DRC9: variants seen among roughly 807,000 people sequenced by gnomAD.
The protein encoded by DRC9 is dynein regulatory complex subunit 9.
the DRC9 span, among the ~76,000 whole-genome samples, chr3:197,931,929 T>TAGTAAC: frequency 6.6e-6 from 1 of 152,012 alleles, no homozygotes; most frequent in Non-Finnish European, 1.5e-5. Context: ...CCGGCCGAAT[T>TAGTAAC]CAATCTTAAG....
At chr3:197,904,027 TATATATACATAC>T in the DRC9 span, among the ~76,000 whole-genome samples, 11 of 99,166 alleles carry the variant, frequency 1.1e-4, no homozygotes, top group South Asian at 3.2e-4. Context: ...TACATACATA[TATATATACATAC>T]ATATATATAC....
chr3:197,917,438 AT>A, the DRC9 span, among the ~76,000 whole-genome samples: 1 of 152,222 alleles, frequency 6.6e-6, no homozygotes, highest in Non-Finnish European at 1.5e-5. Flanking sequence ...GATCGGAATC[AT>A]TCCTAAGAGA....
chr3:197,937,025 C>T, the DRC9 span, among the ~76,000 whole-genome samples: 1 of 152,210 alleles, frequency 6.6e-6, no homozygotes, highest in Non-Finnish European at 1.5e-5. Flanking sequence ...CGTAAGTTCT[C>T]TTTGGCAACG....
the DRC9 span, chr3:197,950,603 GTGTGT>G: frequency 2.6e-6 from 1 of 390,422 alleles, no homozygotes; most frequent in East Asian, 4.9e-5. Flanking sequence ...AGTCTTACGT[GTGTGT>G]TTCTCTTTAA....
the DRC9 span, chr3:197,889,589 C>A: frequency 2.5e-6 from 4 of 1,614,084 alleles, no homozygotes; most frequent in Non-Finnish European, 3.4e-6. Context: ...GTCACTTCTT[C>A]TTGCCTCTCC....
the DRC9 span, among the ~76,000 whole-genome samples, chr3:197,901,214 C>T: frequency 6.6e-6 from 1 of 152,182 alleles, no homozygotes; most frequent in African/African-American, 2.4e-5. This position sits in a 1 kb window ranked among gnomAD's most constrained non-coding sequence, Gnocchi z 4.4. Flanking sequence ...TCTTGGCTCA[C>T]TGCAACCTCC....
chr3:197,907,879 C>T, the DRC9 span, among the ~76,000 whole-genome samples: 9 of 145,518 alleles, frequency 6.2e-5, no homozygotes, highest in Admixed American at 2.1e-4. Context: ...ATGAAGTTAT[C>T]ACAGGGGTGA....
chr3:197,955,038 A>G, the DRC9 span, among the ~76,000 whole-genome samples: 4 of 151,540 alleles, frequency 2.6e-5, no homozygotes, highest in Non-Finnish European at 5.9e-5. Context: ...ATTTTTCTCA[A>G]TTTTCTCCTG....
chr3:197,950,419 C>A, the DRC9 span: 1 of 912,826 alleles, frequency 1.1e-6, no homozygotes, highest in Non-Finnish European at 1.4e-6. Context: ...GAACGGCTGC[C>A]CGGGTTATCC....
At chr3:197,950,834 C>T in the DRC9 span, 3 of 1,018,098 alleles carry the variant, frequency 2.9e-6, no homozygotes, top group South Asian at 1.4e-5. Flanking sequence ...CTACATGAAA[C>T]TCCCATCCAA....
the DRC9 span, among the ~76,000 whole-genome samples, chr3:197,915,089 G>A: frequency 9.3e-5 from 14 of 150,450 alleles, no homozygotes; most frequent in Admixed American, 6.0e-4. Context: ...ACTTGAACCC[G>A]GGAGGTGGAG....
chr3:197,901,079 G>A, the DRC9 span, among the ~76,000 whole-genome samples: 1 of 152,280 alleles, frequency 6.6e-6, no homozygotes, highest in African/African-American at 2.4e-5. The surrounding 1 kb of genome is among the most constrained non-coding windows in gnomAD (Gnocchi z 4.4). Context: ...TTACACCCTA[G>A]GTACCACCTC....
the DRC9 span, among the ~76,000 whole-genome samples, chr3:197,903,820 G>A: frequency 6.6e-6 from 1 of 151,324 alleles, no homozygotes; most frequent in Non-Finnish European, 1.5e-5. Context: ...TGAAAAATGG[G>A]CCAAAAGGGC....
chr3:197,895,626 A>G, the DRC9 span, among the ~76,000 whole-genome samples: 1 of 152,188 alleles, frequency 6.6e-6, no homozygotes, highest in African/African-American at 2.4e-5. Context: ...TAGTAATGAT[A>G]TAAAAATCTT....
chr3:197,955,817 A>G, the DRC9 span: 33 of 1,487,868 alleles, frequency 2.2e-5, no homozygotes, highest in Non-Finnish European at 2.8e-5. Flanking sequence ...GTGCTCTTGT[A>G]TTTTTAAGTG....
the DRC9 span, among the ~76,000 whole-genome samples, chr3:197,907,018 G>A: frequency 2.6e-5 from 4 of 152,238 alleles, no homozygotes; most frequent in African/African-American, 4.8e-5. Flanking sequence ...GCCGCCCTTC[G>A]TGGTAAATGT....
chr3:197,946,291 C>T, the DRC9 span, among the ~76,000 whole-genome samples: 17 of 151,804 alleles, frequency 1.1e-4, no homozygotes, highest in African/African-American at 2.9e-4. Context: ...AAAAATTAGC[C>T]GGGCGTGGTG....
chr3:197,950,916 A>G, the DRC9 span: 8 of 1,613,544 alleles, frequency 5.0e-6, no homozygotes, highest in Admixed American at 1.7e-5. Flanking sequence ...TTTTAAACTA[A>G]TCTTTTTGTT....
the DRC9 span, among the ~76,000 whole-genome samples, chr3:197,904,105 TATATA>T: frequency 0.016 from 671 of 42,882 alleles, 36 homozygotes; most frequent in Admixed American, 0.079. Context: ...TATATATATA[TATATA>T]TTTTTTTTTT....
Sources: allele counts gnomAD v4.1 joint callset (sites outside exome capture counted in the v4.1 genomes callset), GRCh38; gene constraint gnomAD v4.1.1; non-coding constraint Gnocchi (gnomAD v3.1); transcripts MANE v1.5; gene names NCBI Gene and HGNC (gene_info 2026-07-23, HGNC 2026-07-21).